DNAH3: variants seen among roughly 807,000 people sequenced by gnomAD.
The protein encoded by DNAH3 is dynein axonemal heavy chain 3.
Under a neutral mutation model 432.5 loss-of-function variants are expected in DNAH3, and 332 were observed. That is an observed-to-expected ratio of 0.77 (90% CI 0.70 to 0.84). The LOEUF is 0.84. Ranked by LOEUF, DNAH3 falls within the 40% of genes least tolerant of loss-of-function variation. The probability of loss-of-function intolerance (pLI) is 0.00; values close to 1 mark genes in which losing one functional copy is unlikely to be tolerated. For synonymous variants in DNAH3, 1,956 were observed against 1,900.2 expected, an observed-to-expected ratio of 1.03 and a Z score of -0.76; for missense variants, 4,861 against 5,114.0, an observed-to-expected ratio of 0.95 and a Z score of 1.51.
At chr16:20,958,984 T>C (rs1389793982) in intron 54 of DNAH3, among the ~76,000 whole-genome samples, 195 bp downstream of exon 54, 2 of 152,118 alleles carry the variant, frequency 1.3e-5, no homozygotes, top group Admixed American at 6.6e-5. Flanking sequence ...GCCAGGCTAG[T>C]TTCGAACTCC....
chr16:20,935,763 A>G (rs1219576694), intron 60 of DNAH3, among the ~76,000 whole-genome samples: 4 of 151,694 alleles, frequency 2.6e-5, no homozygotes, highest in African/African-American at 9.7e-5. Context: ...GAATCGCTTG[A>G]ACCCAGGAGG....
chr16:21,087,994 C>T (rs1164900832), intron 18 of DNAH3, among the ~76,000 whole-genome samples: 1 of 152,120 alleles, frequency 6.6e-6, no homozygotes, highest in East Asian at 1.9e-4. Context: ...TTGCTAAGAA[C>T]CTTTAGCATT....
chr16:20,990,163 C>G (rs1011973768), intron 44 of DNAH3, among the ~76,000 whole-genome samples: 1 of 152,240 alleles, frequency 6.6e-6, no homozygotes, highest in African/African-American at 2.4e-5. Flanking sequence ...GCGCCCAGAG[C>G]GAGCCAGGGC....
At chr16:21,002,610 C>A (rs376280887) in intron 42 of DNAH3, among the ~76,000 whole-genome samples, 1 of 151,960 alleles carries the variant, frequency 6.6e-6, no homozygotes. Context: ...TACAGGCATG[C>A]GCCACCACGC....
intron 41 of DNAH3, among the ~76,000 whole-genome samples, chr16:21,006,325 T>G (rs1306476728): frequency 1.3e-5 from 2 of 152,262 alleles, no homozygotes; most frequent in Non-Finnish European, 2.9e-5. Context: ...TTTTATCACT[T>G]CATCTACAAA....
chr16:21,158,932 G>A (rs1158648131), intron 1 of DNAH3, among the ~76,000 whole-genome samples: 2 of 151,948 alleles, frequency 1.3e-5, no homozygotes, highest in Non-Finnish European at 2.9e-5. Flanking sequence ...CGCCGGGACG[G>A]GGCTGGGAGC....
intron 56 of DNAH3, among the ~76,000 whole-genome samples, chr16:20,950,160 C>G (rs2084247848): frequency 6.6e-6 from 1 of 152,174 alleles, no homozygotes; most frequent in South Asian, 2.1e-4. Context: ...AGGCGCACTT[C>G]TTTGGAGATG....
chr16:21,123,777 T>TA (rs1170164091), intron 9 of DNAH3, among the ~76,000 whole-genome samples: 1 of 152,054 alleles, frequency 6.6e-6, no homozygotes, highest in Non-Finnish European at 1.5e-5. Context: ...AACTAGGACT[T>TA]AGTGTTTTCA....
chr16:21,152,193 C>T (rs1567884102), intron 1 of DNAH3, among the ~76,000 whole-genome samples: 1 of 152,052 alleles, frequency 6.6e-6, no homozygotes, highest in South Asian at 2.1e-4. Flanking sequence ...GATCATGCCA[C>T]TGCACCCCAG....
chr16:20,989,003 G>C (rs1039594789), intron 44 of DNAH3, among the ~76,000 whole-genome samples: 1 of 152,154 alleles, frequency 6.6e-6, no homozygotes, highest in Non-Finnish European at 1.5e-5. Context: ...CGCGGGGAGT[G>C]TTACAGCTCA....
chr16:20,989,622 C>G (rs958977459), intron 44 of DNAH3, among the ~76,000 whole-genome samples: 3 of 152,268 alleles, frequency 2.0e-5, no homozygotes, highest in Non-Finnish European at 2.9e-5. Context: ...AGCTGCCTGC[C>G]AGTCCCGGGC....
At chr16:21,146,865 A>G (rs959397524) in intron 1 of DNAH3, among the ~76,000 whole-genome samples, 7 of 150,532 alleles carry the variant, frequency 4.7e-5, no homozygotes, top group African/African-American at 1.5e-4. Context: ...GGGTCAAGTG[A>G]TTCTCCTCCC....
intron 38 of DNAH3, among the ~76,000 whole-genome samples, chr16:21,025,386 ATAT>A (rs369460964): frequency 1.2e-3 from 180 of 148,058 alleles, no homozygotes; most frequent in African/African-American, 3.9e-3. Flanking sequence ...TACAGTATAT[ATAT>A]TATTATATAT....
intron 16 of DNAH3, among the ~76,000 whole-genome samples, chr16:21,102,737 GA>G (rs2091865102): frequency 6.6e-6 from 1 of 152,128 alleles, no homozygotes; most frequent in African/African-American, 2.4e-5. Flanking sequence ...AGCAAATAAA[GA>G]AATTGCTGGG....
intron 9 of DNAH3, among the ~76,000 whole-genome samples, chr16:21,122,939 A>G (rs2092375128): frequency 6.6e-6 from 1 of 152,150 alleles, no homozygotes; most frequent in South Asian, 2.1e-4. Context: ...GGTATGAGAC[A>G]CTAGGCCCAG....
At chr16:20,984,411 G>A (rs372459154) in intron 48 of DNAH3, among the ~76,000 whole-genome samples, 142 of 152,184 alleles carry the variant, frequency 9.3e-4, no homozygotes, top group East Asian at 2.9e-3. Flanking sequence ...TGAGACAGCT[G>A]GAGGTAACAG....
rs145294085 is a variant in DNAH3 at position 21,138,754 on chromosome 16, G to A, written c.696+1782C>T. ...GAACCCAGGAGGCAGAGGTTGCAGT[G>A]AGCCGAGATCGTGCCACTGCACTCT... On this transcript the variant is annotated intron_variant, in intron 5 of 61. Coordinates refer to ENST00000261383, the Ensembl canonical transcript of DNAH3. 3.3e-5 allele frequency among the ~76,000 whole-genome samples: 5 copies of A among 151,912 alleles called. 1 individual carries two copies. Among genetic ancestry groups the A allele is most frequent in the African/African-American group, 1.2e-4 (5 of 41,426 alleles).
chr16:21,150,141 C>T (rs2092834639), intron 1 of DNAH3, 149 bp downstream of exon 2: 1 of 358,704 alleles, frequency 2.8e-6, no homozygotes, highest in Non-Finnish European at 5.3e-6. Flanking sequence ...AGGAGAATCA[C>T]TTGAACCCAG....
chr16:20,964,180 A>G (rs767182818), exon 53 of DNAH3: 1 of 1,614,120 alleles, frequency 6.2e-7, no homozygotes, highest in Non-Finnish European at 8.5e-7. Context: ...AATTTCCTTG[A>G]GATGCTTCTT....
Sources: allele counts gnomAD v4.1 joint callset (sites outside exome capture counted in the v4.1 genomes callset), GRCh38; gene constraint gnomAD v4.1.1; transcripts MANE v1.5; gene names NCBI Gene and HGNC (gene_info 2026-07-23, HGNC 2026-07-21).